The following IL27RA variants were observed in gnomAD, a reference collection of about 807,000 sequenced individuals.
IL27RA encodes interleukin-27 receptor subunit alpha.
In IL27RA, 61 loss-of-function variants were observed where a neutral mutation model predicts 80.8. The ratio of observed to expected loss-of-function variants is 0.76; its 90% confidence interval spans 0.61 to 0.93. IL27RA has a LOEUF of 0.93. Ranked by LOEUF, IL27RA falls within the 40% of genes least tolerant of loss-of-function variation. The pLI is 0.00. For missense variants in IL27RA, 735 were observed against 808.1 expected, an observed-to-expected ratio of 0.91 and a Z score of 1.10; for synonymous variants, 316 against 332.5, an observed-to-expected ratio of 0.95 and a Z score of 0.54.
chr19:14,038,567 T>TA lies in IL27RA; in HGVS notation c.219-920dup, dbSNP rs34678070. Among the ~76,000 whole-genome samples, 198 of 100,970 alleles carry TA rather than the reference T, an allele frequency of 2.0e-3. 1 individual carries two copies. The highest frequency in any genetic ancestry group is 7.8e-3 in the South Asian group (24 of 3,058). The allele number at this position is 100,970 out of a possible 152,430, so 66.2% of individuals were successfully genotyped here. On this transcript the variant is annotated intron_variant, in intron 2 of 13. Coordinates refer to ENST00000263379, the MANE Select transcript of IL27RA (RefSeq NM_004843.4). ...CAGTTACAGAGTGAGGTCGTGTCTC[T>TA]AAAAAAAAAAAAAAAAAAAAAGAGA...
chr19:14,043,174 T>G (rs1976017677), intron 6 of IL27RA, among the ~76,000 whole-genome samples: 1 of 151,818 alleles, frequency 6.6e-6, no homozygotes, highest in Admixed American at 6.6e-5. Context: ...CCCAATGACA[T>G]AAACAAGACA....
intron 6 of IL27RA, 90 bp from the exon 7 acceptor site, chr19:14,046,060 CACTG>C (rs1194865363): frequency 1.7e-6 from 2 of 1,199,512 alleles, no homozygotes; most frequent in African/African-American, 3.1e-5. Flanking sequence ...AAAAATGCTT[CACTG>C]ACCGGTGGTT....
At position 14,042,580 on chromosome 19, in the gene IL27RA, GC is replaced by G; in HGVS notation, c.666del (p.Ile223PhefsTer42). On this transcript the variant is annotated frameshift_variant, in exon 5 of 14. Coordinates refer to ENST00000263379, the MANE Select transcript of IL27RA (RefSeq NM_004843.4). LOFTEE classifies it high-confidence loss of function. ...EKEEDLWGEW[S>X]PILSFQTPPS... ...GAAGAGGATTTGTGGGGCGAGTGGA[GC>G]CCCATTTTGTCCTTCCAGACACCGC... The G allele has an allele frequency of 6.2e-7, 1 of 1,614,104 alleles. No homozygotes were observed. The highest frequency in any genetic ancestry group is 8.5e-7 in the Non-Finnish European group (1 of 1,180,014).
intron 4 of IL27RA, among the ~76,000 whole-genome samples, chr19:14,042,197 CAAA>C (rs144463133): frequency 9.3e-5 from 8 of 86,310 alleles, no homozygotes; most frequent in Admixed American, 1.2e-4. Context: ...GACTCTGCCT[CAAA>C]AAAAAAAAAA....
At position 14,052,417 on chromosome 19, in the gene IL27RA, C is replaced by T. The variant is rs1203506074; in HGVS notation, c.*127C>T. 1.1e-5 allele frequency: 8 copies of T among 728,766 alleles called. No individual in the cohort carries two copies. In the East Asian group the frequency reaches 1.9e-4, roughly 17 times the overall value. The allele number at this position is 728,766 out of a possible 1,614,324, so 45.1% of individuals were successfully genotyped here. ...GACTCAGAGAGGCTGAGTCACTTACCTGAGGACACCCAGCCAGGCAGAGCT... is the reference window on the plus strand; with the variant it reads ...GACTCAGAGAGGCTGAGTCACTTACTTGAGGACACCCAGCCAGGCAGAGCT... On this transcript the variant is annotated 3_prime_UTR_variant, in exon 14 of 14. Transcript: ENST00000263379.
chr19:14,040,020 G>C, intron 4 of IL27RA, 110 bp downstream of exon 4: 1 of 1,085,070 alleles, frequency 9.2e-7, no homozygotes, highest in Non-Finnish European at 1.3e-6. Context: ...CCCTGAGCCT[G>C]TATGCCTCCC....
rs1976165673 is a variant in IL27RA at position 14,051,592 on chromosome 19, TCCCTA to T, written c.1529-7_1529-3del. 6.9e-6 allele frequency: 10 copies of T among 1,452,972 alleles called. No individual in the cohort carries two copies. Among genetic ancestry groups the T allele is most frequent in the Non-Finnish European group, 9.5e-6 (10 of 1,053,060 alleles). 90.0% of individuals were successfully genotyped at this position (1,452,972 alleles called of 1,614,324 possible). A position where few individuals can be genotyped will look rare whatever the true frequency, so the allele number is the denominator to read the frequency against. On this transcript the variant is annotated splice_polypyrimidine_tract_variant and intron_variant, in intron 11 of 13. Coordinates refer to ENST00000263379, the MANE Select transcript of IL27RA (RefSeq NM_004843.4). ...AAATAAAAAATTAAGAATGATCTCTTCCCTACCCTACCAGATAACACCCTGAGGTG... is the reference window on the plus strand; with the variant it reads ...AAATAAAAAATTAAGAATGATCTCTTCCCTACCAGATAACACCCTGAGGTG...
chr19:14,041,625 T>C (rs1318875856), intron 4 of IL27RA, among the ~76,000 whole-genome samples: 1 of 152,164 alleles, frequency 6.6e-6, no homozygotes, highest in East Asian at 1.9e-4. Context: ...GAGATAATAA[T>C]AGAAGTTACC....
rs1331652279 is a variant in IL27RA, at chr19:14,046,314, C to T, written c.929C>T (p.Thr310Ile). 6.2e-7 allele frequency: 1 copy of T among 1,613,918 alleles called. No individual in the cohort carries two copies. Among genetic ancestry groups the T allele is most frequent in the Non-Finnish European group, 8.5e-7 (1 of 1,179,884 alleles). ...AACGCCACAAGCTGGGAGCCTCTCA[C>T]CAACCTCTCTTTGGTCTGCTTGGGT... is the stretch of plus-strand genomic sequence containing the variant. ...AVNATSWEPL[T>I]NLSLVCLDSA... Residue 310 changes from threonine (T) to isoleucine (I), a missense_variant, in exon 7 of 14, where the codon ACC (threonine) becomes ATC (isoleucine). Transcript: ENST00000263379.
intron 4 of IL27RA, among the ~76,000 whole-genome samples, chr19:14,041,309 C>T (rs1319102088): frequency 6.6e-6 from 1 of 151,804 alleles, no homozygotes; most frequent in Non-Finnish European, 1.5e-5. Context: ...GTGATTCCCC[C>T]ACCTCAGCCC....
chr19:14,050,013 A>G (rs1976136450), intron 10 of IL27RA, among the ~76,000 whole-genome samples: 1 of 149,646 alleles, frequency 6.7e-6, no homozygotes, highest in South Asian at 2.1e-4. Flanking sequence ...ACATGGTGAA[A>G]CCTCATCTCT....
chr19:14,047,959 G>A (rs1473081419), intron 8 of IL27RA, among the ~76,000 whole-genome samples: 1 of 149,224 alleles, frequency 6.7e-6, no homozygotes, highest in African/African-American at 2.5e-5. Context: ...ACCGCACCCG[G>A]CATTTTTTTT....
At chr19:14,037,314 G>A (rs753767515) in intron 2 of IL27RA, among the ~76,000 whole-genome samples, 6 of 151,674 alleles carry the variant, frequency 4.0e-5, no homozygotes, top group Non-Finnish European at 8.8e-5. Context: ...AGGCTGGAGG[G>A]CAATGGAGCA....
At chr19:14,033,310 G>C (rs895808435) in intron 2 of IL27RA, among the ~76,000 whole-genome samples, 1 of 150,974 alleles carries the variant, frequency 6.6e-6, no homozygotes, top group Admixed American at 6.6e-5. Flanking sequence ...TGTTGGCCAG[G>C]CTGGTCTTGA....
chr19:14,033,116 A>G (rs1172658256), intron 2 of IL27RA, among the ~76,000 whole-genome samples: 1 of 141,744 alleles, frequency 7.1e-6, no homozygotes, highest in Non-Finnish European at 1.5e-5. Flanking sequence ...TTTTTTTTGA[A>G]ACGGAGTTTC....
In IL27RA at chr19:14,046,438, T is replaced by G; in HGVS notation, c.961T>G (p.Ser321Ala). ...TTCTCTCCACCCTCCAGATTCAGCC[T>G]CTGCCCCCCGTAGCGTGGCAGTCAG... ...NLSLVCLDSA[S>A]APRSVAVSSI... Residue 321 changes from serine to alanine, a missense_variant, in exon 8 of 14, where the codon TCT (serine) becomes GCT (alanine). By Grantham distance (99) the Ser-to-Ala change is moderately conservative (BLOSUM62 1). Coordinates refer to ENST00000263379, the MANE Select transcript of IL27RA (RefSeq NM_004843.4). 1 of 1,614,134 alleles carries G rather than the reference T, an allele frequency of 6.2e-7. No homozygotes were observed.
Position 14,039,641 on chromosome 19 carries a change from G to A in IL27RA, c.352G>A (p.Val118Ile), listed in dbSNP as rs772182491. 3.9e-5 allele frequency: 63 copies of A among 1,613,276 alleles called. No individual in the cohort carries two copies. The highest frequency in any genetic ancestry group is 1.6e-4 in the Middle Eastern group (1 of 6,076). The change falls in exon 3 of 14, where the codon GTC becomes ATC. Residue 118 changes from valine to isoleucine, a missense_variant. By Grantham distance (29) the Val-to-Ile change is conservative. Coordinates refer to ENST00000263379, the MANE Select transcript of IL27RA (RefSeq NM_004843.4). ...TKAGQPLWPP[V>I]FVNLETQMKP... is the part of the protein sequence containing the mutation. ...GGCAGGCCAGCCTCTCTGGCCCCCCGTCTTCGTGAACCTAGAAACCCAAAG... is the reference window on the plus strand; with the variant it reads ...GGCAGGCCAGCCTCTCTGGCCCCCCATCTTCGTGAACCTAGAAACCCAAAG...
At chr19:14,052,005 C>T (rs765741657) in intron 13 of IL27RA, 32 bp downstream of exon 13, 1 of 1,557,964 alleles carries the variant, frequency 6.4e-7, no homozygotes, top group Non-Finnish European at 8.7e-7. Flanking sequence ...TCGGAGCCCT[C>T]TGGGGGACTG....
At chr19:14,050,259 T>A (rs771420503) in intron 10 of IL27RA, among the ~76,000 whole-genome samples, 3 of 152,018 alleles carry the variant, frequency 2.0e-5, no homozygotes, top group Non-Finnish European at 2.9e-5. Flanking sequence ...CCCAGCACTT[T>A]TGGAGGCCGA....
Sources: allele counts gnomAD v4.1 joint callset (sites outside exome capture counted in the v4.1 genomes callset), GRCh38; gene constraint gnomAD v4.1.1; transcripts MANE v1.5; gene names NCBI Gene and HGNC (gene_info 2026-07-23, HGNC 2026-07-21).